Variants in MYT1L observed in about 807,000 individuals in gnomAD.
MYT1L encodes the protein myelin transcription factor 1 like.
MYT1L carries 12 observed loss-of-function variants against 126.7 expected under a neutral mutation model. That is an observed-to-expected ratio of 0.09 (90% CI 0.06 to 0.15). The LOEUF is 0.15. Among genes scored for constraint, MYT1L ranks in the 10% least tolerant of loss-of-function variants. The pLI is 1.00. For missense variants in MYT1L, 979 were observed against 1,585.2 expected (o/e 0.62, Z 6.49); for synonymous variants, 541 against 604.2 (o/e 0.90, Z 1.53).
At chr2:1,911,585 A>T (rs1465455099) in intron 12 of MYT1L, among the ~76,000 whole-genome samples, 1 of 152,136 alleles carries the variant, frequency 6.6e-6, no homozygotes, top group Admixed American at 6.5e-5. Flanking sequence ...AAACATCTGC[A>T]GGTTTTCTGA....
At chr2:2,178,341 G>A (rs546655297) in intron 2 of MYT1L, among the ~76,000 whole-genome samples, 3 of 152,148 alleles carry the variant, frequency 2.0e-5, no homozygotes, top group Non-Finnish European at 4.4e-5. Flanking sequence ...GACAGGCCCT[G>A]GGATGCACTG....
chr2:2,115,405 C>T (rs1387161086), intron 3 of MYT1L, among the ~76,000 whole-genome samples: 2 of 152,286 alleles, frequency 1.3e-5, no homozygotes, highest in African/African-American at 2.4e-5. Context: ...AAAATTTCAA[C>T]AGGGATTAAG....
chr2:2,067,846 A>T (rs180818426), intron 3 of MYT1L, among the ~76,000 whole-genome samples: 50 of 152,292 alleles, frequency 3.3e-4, no homozygotes, highest in Admixed American at 3.9e-4. Context: ...TACTCAACAC[A>T]ATAAAAGATA....
At chr2:1,866,755 G>A in intron 18 of MYT1L, among the ~76,000 whole-genome samples, 1 of 106,904 alleles carries the variant, frequency 9.4e-6, no homozygotes, top group Non-Finnish European at 2.0e-5. Context: ...GAGAGAGAGG[G>A]AGGGGGAGAG....
intron 23 of MYT1L, among the ~76,000 whole-genome samples, chr2:1,797,368 C>T (rs1350862820): frequency 6.6e-6 from 1 of 152,208 alleles, no homozygotes; most frequent in Admixed American, 6.5e-5. Context: ...GGACTACAGG[C>T]GCCCGCCACC....
At chr2:1,841,161 TC>T (rs2041643552) in intron 19 of MYT1L, 11 of 160,942 alleles carry the variant, frequency 6.8e-5, no homozygotes, top group South Asian at 1.3e-4. Flanking sequence ...CACCTCGGCC[TC>T]TTTTTTTTTT....
chr2:2,008,447 A>G (rs989093078), intron 4 of MYT1L, among the ~76,000 whole-genome samples: 2 of 152,182 alleles, frequency 1.3e-5, no homozygotes, highest in African/African-American at 4.8e-5. Context: ...GATGCTGAAC[A>G]CCTTCTCATT....
At chr2:1,962,592 A>T (rs962707242) in intron 8 of MYT1L, among the ~76,000 whole-genome samples, 1 of 152,216 alleles carries the variant, frequency 6.6e-6, no homozygotes, top group Non-Finnish European at 1.5e-5. Flanking sequence ...TCTGTAGCAC[A>T]TGGTGCTATT....
chr2:1,952,433 C>T (rs1349588641), intron 8 of MYT1L, among the ~76,000 whole-genome samples: 2 of 152,012 alleles, frequency 1.3e-5, no homozygotes, highest in East Asian at 3.9e-4. Context: ...TGCATGTGGA[C>T]GCGCATCTTG....
intron 3 of MYT1L, among the ~76,000 whole-genome samples, chr2:2,121,599 G>A (rs767668886): frequency 7.2e-5 from 11 of 152,050 alleles, no homozygotes; most frequent in East Asian, 1.9e-4. Flanking sequence ...CAATTCTCCC[G>A]CCTCAGCCTC....
intron 2 of MYT1L, among the ~76,000 whole-genome samples, chr2:2,252,966 A>AT (rs1320758169): frequency 1.3e-5 from 2 of 151,942 alleles, no homozygotes; most frequent in African/African-American, 2.4e-5. Context: ...AGGAAGTAAA[A>AT]TTTTTTTTAA....
rs527853388 is a variant in MYT1L at position 2,288,054 on chromosome 2, G to A, written c.-520-3551C>T. ...GATTTATCCCTAGATAGATCATCTG[G>A]TCTCATTTCCTGACACACTCTAGTT... On this transcript the variant is annotated intron_variant, in intron 1 of 24. Transcript: ENST00000647738. 2.6e-5 allele frequency among the ~76,000 whole-genome samples: 4 copies of A among 152,062 alleles called. No homozygotes were observed. The South Asian group carries it at 8.3e-4, about 32-fold the overall frequency.
At chr2:2,032,615 C>T (rs1163276231) in intron 4 of MYT1L, among the ~76,000 whole-genome samples, 4 of 143,386 alleles carry the variant, frequency 2.8e-5, no homozygotes, top group African/African-American at 1.1e-4. Context: ...ACACACCCCT[C>T]GCAAGTGCCT....
chr2:2,176,442 A>G (rs2090784229), intron 2 of MYT1L, among the ~76,000 whole-genome samples: 1 of 152,040 alleles, frequency 6.6e-6, no homozygotes, highest in Non-Finnish European at 1.5e-5. Flanking sequence ...ATACACGGAC[A>G]TTCCCATCTC....
chr2:1,984,441 A>G (rs2060847210), intron 5 of MYT1L, among the ~76,000 whole-genome samples: 1 of 151,272 alleles, frequency 6.6e-6, no homozygotes, highest in African/African-American at 2.4e-5. Flanking sequence ...AAGTGATCCT[A>G]CTGCCTCTGC....
At chr2:2,199,223 T>C (rs984797068) in intron 2 of MYT1L, among the ~76,000 whole-genome samples, 1 of 152,224 alleles carries the variant, frequency 6.6e-6, no homozygotes, top group Non-Finnish European at 1.5e-5. Flanking sequence ...AAAAAGTTCA[T>C]CCTTTGCTTT....
chr2:1,894,146 GGCCCA>G (rs2049277598), intron 14 of MYT1L, among the ~76,000 whole-genome samples: 1 of 152,212 alleles, frequency 6.6e-6, no homozygotes, highest in African/African-American at 2.4e-5. Context: ...ACTCAGAGTG[GGCCCA>G]TGGCTGGTGG....
rs140052122 is a variant in MYT1L at position 2,178,703 on chromosome 2, T to C, written c.-420-5715A>G. ...ACACTTGGTAGAATGGCTTTTGGCA[T>C]TGTTGAATATCAGCAGTGAAAGCAA... On this transcript the variant is annotated intron_variant, in intron 2 of 24. Transcript: ENST00000647738. Among the ~76,000 whole-genome samples the C allele has an allele frequency of 1.1e-4, 16 of 152,246 alleles. 2 individuals carry two copies. The highest frequency in any genetic ancestry group is 3.6e-4 in the African/African-American group (15 of 41,560).
chr2:1,839,047 G>T, intron 21 of MYT1L, 102 bp downstream of exon 21: 2 of 1,015,078 alleles, frequency 2.0e-6, no homozygotes, highest in Non-Finnish European at 2.9e-6. Flanking sequence ...TCTAAACACA[G>T]GTGACGGGAG....
Sources: allele counts gnomAD v4.1 joint callset (sites outside exome capture counted in the v4.1 genomes callset), GRCh38; gene constraint gnomAD v4.1.1; transcripts MANE v1.5; gene names NCBI Gene and HGNC (gene_info 2026-07-23, HGNC 2026-07-21).